RAPGEF6: variants seen among roughly 807,000 people sequenced by gnomAD.
RAPGEF6 encodes the protein PDZ domain containing guanine nucleotide exchange factor (GEF) 2.
In RAPGEF6, 56 loss-of-function variants were observed where a neutral mutation model predicts 171.4. The observed-to-expected ratio is 0.33, with a 90% confidence interval of 0.26 to 0.41. RAPGEF6 has a LOEUF of 0.41. Among genes scored for constraint, RAPGEF6 ranks in the 10% least tolerant of loss-of-function variants. The probability of loss-of-function intolerance (pLI) is 1.00; values close to 1 mark genes in which losing one functional copy is unlikely to be tolerated. For missense variants in RAPGEF6, 1,674 were observed against 1,921.4 expected (o/e 0.87, Z 2.41); for synonymous variants, 692 against 650.1 (o/e 1.06, Z -0.98).
chr5:131,580,135 G>A (rs1762858915), intron 4 of RAPGEF6, among the ~76,000 whole-genome samples: 1 of 152,190 alleles, frequency 6.6e-6, no homozygotes, highest in Non-Finnish European at 1.5e-5. Flanking sequence ...CACTGTGGGG[G>A]GGGGCTCGGG....
intron 7 of RAPGEF6, among the ~76,000 whole-genome samples, chr5:131,513,626 T>C (rs1298421245): frequency 6.6e-6 from 1 of 152,088 alleles, no homozygotes; most frequent in Non-Finnish European, 1.5e-5. Flanking sequence ...AAGTCATGGG[T>C]TGGGACTGAG....
rs541585426 is a variant in RAPGEF6, at chr5:131,479,372, CTTAT to C, written c.2081+137_2081+140del. The C allele has an allele frequency of 1.1e-5, 9 of 800,302 alleles. No homozygotes were observed. In the South Asian group the frequency reaches 1.8e-4, roughly 16 times the overall value. 49.6% of individuals were successfully genotyped at this position (800,302 alleles called of 1,614,324 possible). On this transcript the variant is annotated intron_variant, in intron 16 of 27. Coordinates refer to ENST00000509018, the MANE Select transcript of RAPGEF6 (RefSeq NM_016340.6). ...TGATAGGGAGAAGTTCAAATGTATT[CTTAT>C]TTGAGTACTGTTTGAAGACTTTATG...
intron 10 of RAPGEF6, 74 bp from the exon 11 acceptor site, chr5:131,504,852 C>A: frequency 7.5e-7 from 1 of 1,339,668 alleles, no homozygotes; most frequent in Non-Finnish European, 9.9e-7. Context: ...CAATGCAGAG[C>A]ACAAAGGTAA....
At chr5:131,509,404 G>T (rs565156267) in intron 8 of RAPGEF6, among the ~76,000 whole-genome samples, 1 of 152,108 alleles carries the variant, frequency 6.6e-6, no homozygotes, top group South Asian at 2.1e-4. Flanking sequence ...TTAGCCAGGC[G>T]TGGTGGCGGG....
chr5:131,434,914 T>C (rs967704325), intron 24 of RAPGEF6, among the ~76,000 whole-genome samples: 1 of 152,188 alleles, frequency 6.6e-6, no homozygotes, highest in Admixed American at 6.5e-5. Context: ...GTAAAAAATA[T>C]CTTCTTGCTC....
At chr5:131,428,371 C>T (rs907532869) in intron 27 of RAPGEF6, among the ~76,000 whole-genome samples, 1 of 152,134 alleles carries the variant, frequency 6.6e-6, no homozygotes, top group African/African-American at 2.4e-5. Context: ...CATTATTGTG[C>T]CACTGCACTC....
chr5:131,559,462 C>A (rs113141145), intron 5 of RAPGEF6, among the ~76,000 whole-genome samples: 1 of 152,056 alleles, frequency 6.6e-6, no homozygotes, highest in Non-Finnish European at 1.5e-5. Context: ...GATTGTGTAA[C>A]CTTGATACAA....
intron 4 of RAPGEF6, among the ~76,000 whole-genome samples, chr5:131,573,229 C>T (rs1762411181): frequency 6.6e-6 from 1 of 152,156 alleles, no homozygotes; most frequent in Admixed American, 6.5e-5. Context: ...CTCCCCTCCT[C>T]ACACCTGGTC....
At chr5:131,435,628 G>C (rs1299685520) in intron 24 of RAPGEF6, 1 of 203,076 alleles carries the variant, frequency 4.9e-6, no homozygotes, top group Non-Finnish European at 9.7e-6. Flanking sequence ...AGATGATTCT[G>C]ATATTGCTAT....
intron 4 of RAPGEF6, among the ~76,000 whole-genome samples, chr5:131,584,638 T>C (rs1763142782): frequency 6.6e-6 from 1 of 152,174 alleles, no homozygotes; most frequent in African/African-American, 2.4e-5. Context: ...ATTGTAGAAT[T>C]TGAGATTGGC....
chr5:131,469,887 C>T (rs571770374), intron 17 of RAPGEF6: 2 of 1,230,096 alleles, frequency 1.6e-6, no homozygotes, highest in East Asian at 2.6e-5. Context: ...GTAGCTTTGC[C>T]CCCACTTTCA....
At chr5:131,452,933 A>C in intron 21 of RAPGEF6, 121 bp downstream of exon 21, 1 of 1,284,578 alleles carries the variant, frequency 7.8e-7, no homozygotes, top group Non-Finnish European at 1.0e-6. Flanking sequence ...AAACGGACAC[A>C]TATAAAGCAC....
At chr5:131,479,920 T>C (rs112830168) in intron 15 of RAPGEF6, among the ~76,000 whole-genome samples, 167 bp from the exon 16 acceptor site, 1 of 152,190 alleles carries the variant, frequency 6.6e-6, no homozygotes, top group African/African-American at 2.4e-5. Flanking sequence ...CAGCTATATC[T>C]TCTTCTTTCT....
At chr5:131,430,223 A>G (rs1051801855) in intron 26 of RAPGEF6, among the ~76,000 whole-genome samples, 20 of 152,184 alleles carry the variant, frequency 1.3e-4, no homozygotes, top group Admixed American at 5.2e-4. Flanking sequence ...AATTCAAAGT[A>G]GAGTCATTCC....
intron 18 of RAPGEF6, chr5:131,463,686 T>C (rs953376288): frequency 1.1e-6 from 1 of 901,884 alleles, no homozygotes; most frequent in African/African-American, 1.8e-5. Context: ...TTTTCCTGCA[T>C]ATTCATTAAA....
chr5:131,489,696 T>C (rs1261776454), intron 14 of RAPGEF6, 42 bp from the exon 15 acceptor site: 1 of 1,109,196 alleles, frequency 9.0e-7, no homozygotes, highest in African/African-American at 1.6e-5. Context: ...CAGAACAGTA[T>C]TAGTTACTCC....
At chr5:131,510,535 T>G (rs749500944) in intron 7 of RAPGEF6, 44 bp from the exon 8 acceptor site, 1 of 1,571,952 alleles carries the variant, frequency 6.4e-7, no homozygotes, top group Non-Finnish European at 8.7e-7. Context: ...ATGTAAAAAA[T>G]ATTATAAGTC....
At chr5:131,461,617 T>C in intron 19 of RAPGEF6, 88 bp downstream of exon 19, 2 of 1,249,740 alleles carry the variant, frequency 1.6e-6, no homozygotes, top group Non-Finnish European at 2.2e-6. Flanking sequence ...AACATTTCTT[T>C]TCATAGGCAT....
intron 6 of RAPGEF6, among the ~76,000 whole-genome samples, chr5:131,531,418 G>T (rs1421100275): frequency 1.3e-5 from 2 of 152,136 alleles, no homozygotes; most frequent in African/African-American, 4.8e-5. Flanking sequence ...CTGAATTAGA[G>T]TATATATTTT....
Sources: allele counts gnomAD v4.1 joint callset (sites outside exome capture counted in the v4.1 genomes callset), GRCh38; gene constraint gnomAD v4.1.1; transcripts MANE v1.5; gene names NCBI Gene and HGNC (gene_info 2026-07-23, HGNC 2026-07-21).